The following RBFOX1 variants were observed in gnomAD, a reference collection of about 807,000 sequenced individuals.
RBFOX1 encodes the protein RNA binding protein fox-1 homolog 1.
A neutral mutation model predicts 57.7 loss-of-function variants in RBFOX1; 8 were observed. That is an observed-to-expected ratio of 0.14 (90% CI 0.08 to 0.25). The LOEUF (loss-of-function observed/expected upper bound fraction) is 0.25, where lower values mean the gene tolerates loss of function less well. Ranked by LOEUF, RBFOX1 falls within the 10% of genes least tolerant of loss-of-function variation. The pLI, the probability that RBFOX1 is intolerant of heterozygous loss-of-function variation, is 1.00. For missense variants in RBFOX1, 611 were observed against 548.5 expected, an observed-to-expected ratio of 1.11 and a Z score of -1.14; for synonymous variants, 326 against 222.4, an observed-to-expected ratio of 1.47 and a Z score of -4.15.
At chr16:5,537,204 A>G (rs1260755199) in intron 2 of RBFOX1, among the ~76,000 whole-genome samples, 3 of 152,098 alleles carry the variant, frequency 2.0e-5, no homozygotes, top group Admixed American at 6.5e-5. Flanking sequence ...ATGTTCATAT[A>G]TATATTAACA....
intron 4 of RBFOX1, among the ~76,000 whole-genome samples, chr16:7,281,203 G>T (rs112112363): frequency 0.12 from 18,768 of 151,584 alleles, 1,584 homozygotes; most frequent in South Asian, 0.24. Flanking sequence ...GGGCTTCACT[G>T]TGTTGGCCAA....
intron 4 of RBFOX1, among the ~76,000 whole-genome samples, chr16:7,440,070 G>GC (rs2098754607): frequency 6.7e-6 from 1 of 149,510 alleles, no homozygotes; most frequent in South Asian, 2.1e-4. Context: ...TCCCACCTCA[G>GC]CCCCTCAAGT....
In RBFOX1 at chr16:6,542,483, CTTTTTTTTT is replaced by C. The variant is rs71145245; in HGVS notation, c.-63-112104_-63-112096del. 2.5e-4 allele frequency among the ~76,000 whole-genome samples: 14 copies of C among 55,720 alleles called. 1 individual carries two copies. Among genetic ancestry groups the C allele is most frequent in the East Asian group, 6.1e-4 (1 of 1,644 alleles). 36.6% of individuals were successfully genotyped at this position (55,720 alleles called of 152,430 possible). On this transcript the variant is annotated intron_variant, in intron 2 of 15. Coordinates refer to ENST00000550418, the MANE Select transcript of RBFOX1 (RefSeq NM_018723.4). ...CCACTGCCCTGTGTGGGACCATAGT[CTTTTTTTTT>C]TTTTTTTTTTTTTTTGAGCAGGAGT...
chr16:7,211,370 C>A (rs58816314), intron 4 of RBFOX1, among the ~76,000 whole-genome samples: 1 of 125,684 alleles, frequency 8.0e-6, no homozygotes, highest in Non-Finnish European at 1.6e-5. Context: ...CCAGCCTGGG[C>A]GACAGAGTGA....
chr16:6,442,733 T>G (rs1230514220), intron 2 of RBFOX1, among the ~76,000 whole-genome samples: 1 of 152,140 alleles, frequency 6.6e-6, no homozygotes, highest in African/African-American at 2.4e-5. Flanking sequence ...TGAGGCTGTA[T>G]TTCTAGGAAG....
intron 9 of RBFOX1, among the ~76,000 whole-genome samples, chr16:7,602,553 C>T (rs1056366641): frequency 4.6e-5 from 7 of 152,168 alleles, no homozygotes; most frequent in Non-Finnish European, 8.8e-5. Flanking sequence ...TGTTCATCTT[C>T]CTGACAGTGC....
intron 4 of RBFOX1, among the ~76,000 whole-genome samples, chr16:7,156,470 T>C (rs954112421): frequency 2.0e-5 from 3 of 152,052 alleles, no homozygotes; most frequent in African/African-American, 7.2e-5. Flanking sequence ...TACATGCACA[T>C]ATACAGGTAG....
intron 2 of RBFOX1, among the ~76,000 whole-genome samples, chr16:6,521,327 C>G (rs1036317707): frequency 6.6e-6 from 1 of 152,116 alleles, no homozygotes; most frequent in East Asian, 1.9e-4. Context: ...ACATCCCTGT[C>G]TAACATTCCA....
At chr16:7,589,866 G>C (rs1159636203) in intron 7 of RBFOX1, among the ~76,000 whole-genome samples, 1 of 150,910 alleles carries the variant, frequency 6.6e-6, no homozygotes, top group East Asian at 2.0e-4. Context: ...ATTCTCTAGA[G>C]CAGTTCTTCA....
intron 14 of RBFOX1, among the ~76,000 whole-genome samples, chr16:7,699,864 G>T (rs956374380): frequency 1.3e-5 from 2 of 152,024 alleles, no homozygotes; most frequent in African/African-American, 4.8e-5. Flanking sequence ...AATGAATATT[G>T]AAAGAGTTTG....
intron 5 of RBFOX1, among the ~76,000 whole-genome samples, chr16:7,541,451 G>C (rs1055549029): frequency 1.3e-4 from 20 of 149,014 alleles, no homozygotes; most frequent in African/African-American, 3.3e-4. Flanking sequence ...ATTAGTGTTT[G>C]TTTTTATCAG....
chr16:6,950,793 C>A (rs898734525), intron 3 of RBFOX1, among the ~76,000 whole-genome samples: 2 of 152,170 alleles, frequency 1.3e-5, no homozygotes, highest in East Asian at 3.9e-4. Flanking sequence ...GCAGAATGCT[C>A]TATCACAACA....
At chr16:5,412,819 A>T (rs577082501) in intron 1 of RBFOX1, among the ~76,000 whole-genome samples, 138 of 152,330 alleles carry the variant, frequency 9.1e-4, no homozygotes, top group African/African-American at 3.2e-3. Flanking sequence ...AGCCTGTCAC[A>T]GCTAGGGCTT....
intron 4 of RBFOX1, among the ~76,000 whole-genome samples, chr16:7,342,148 C>T (rs1029402832): frequency 1.3e-5 from 2 of 152,126 alleles, no homozygotes; most frequent in African/African-American, 4.8e-5. Context: ...CTGAGTCTGG[C>T]CATTACTCTC....
At chr16:6,039,460 G>C (rs1191568354) in intron 1 of RBFOX1, among the ~76,000 whole-genome samples, 3 of 152,092 alleles carry the variant, frequency 2.0e-5, no homozygotes, top group Admixed American at 2.0e-4. Flanking sequence ...CCAGCTTGGA[G>C]ACCGAAGTTC....
intron 1 of RBFOX1, among the ~76,000 whole-genome samples, chr16:5,297,185 A>G (rs1229465285): frequency 6.6e-6 from 1 of 152,166 alleles, no homozygotes. Context: ...GATGCCATGT[A>G]TTGGCTATTG....
intron 4 of RBFOX1, among the ~76,000 whole-genome samples, chr16:7,071,401 C>T (rs1470772043): frequency 6.6e-6 from 1 of 152,084 alleles, no homozygotes; most frequent in African/African-American, 2.4e-5. Flanking sequence ...AGTATTATTA[C>T]CCCTCCTAGC....
intron 4 of RBFOX1, among the ~76,000 whole-genome samples, chr16:5,971,314 T>C (rs772366463): frequency 6.6e-6 from 1 of 152,204 alleles, no homozygotes; most frequent in Non-Finnish European, 1.5e-5. Flanking sequence ...GGAAATGACA[T>C]CATGTGTGGA....
At chr16:5,895,035 G>T (rs2058130476) in intron 4 of RBFOX1, among the ~76,000 whole-genome samples, 1 of 151,886 alleles carries the variant, frequency 6.6e-6, no homozygotes, top group Non-Finnish European at 1.5e-5. Flanking sequence ...AAAAAATAAA[G>T]AAGTTAATTT....
Sources: gnomAD v4.1 joint callset for allele counts (sites outside exome capture counted in the v4.1 genomes callset) on GRCh38, gnomAD v4.1.1 for gene constraint, MANE v1.5 for transcripts, NCBI Gene and HGNC (gene_info 2026-07-23, HGNC 2026-07-21) for gene names.